Variants in OPN3 observed in about 807,000 individuals in gnomAD.
OPN3 encodes opsin 3.
Under a neutral mutation model 33.8 loss-of-function variants are expected in OPN3, and 29 were observed. The ratio of observed to expected loss-of-function variants is 0.86; its 90% CI spans 0.64 to 1.17. The LOEUF (loss-of-function observed/expected upper bound fraction) is 1.17. Ranked by LOEUF, OPN3 falls within the 50% of genes most tolerant of loss-of-function variation. The pLI is 0.00. For missense variants in OPN3, 437 were observed against 514.1 expected, an observed-to-expected ratio of 0.85 and a Z score of 1.45; for synonymous variants, 216 against 216.1, an observed-to-expected ratio of 1.00 and a Z score of 0.00.
intron 2 of OPN3, chr1:241,600,637 TTA>T (rs1363203629): frequency 1.3e-5 from 2 of 152,214 alleles, no homozygotes; most frequent in African/African-American, 4.8e-5. Context: ...TCCATCGTTG[TTA>T]TGAGTCACCT....
intron 1 of OPN3, among the ~76,000 whole-genome samples, chr1:241,617,046 A>G (rs572484307): frequency 1.9e-4 from 29 of 152,300 alleles, no homozygotes; most frequent in Non-Finnish European, 3.8e-4. Context: ...TTCATATGAT[A>G]TTTTATAATT....
At chr1:241,607,495 T>C (rs1436614461) in intron 1 of OPN3, among the ~76,000 whole-genome samples, 2 of 148,820 alleles carry the variant, frequency 1.3e-5, no homozygotes, top group Non-Finnish European at 3.0e-5. Flanking sequence ...GCCTGGGCGA[T>C]GGAGCAAGAC....
At chr1:241,606,364 C>T (rs1395505170) in intron 1 of OPN3, among the ~76,000 whole-genome samples, 1 of 151,706 alleles carries the variant, frequency 6.6e-6, no homozygotes, top group Non-Finnish European at 1.5e-5. Flanking sequence ...GCCAACATGG[C>T]GAAACCCTGT....
chr1:241,606,766 A>C (rs1350627267), intron 1 of OPN3, among the ~76,000 whole-genome samples: 1 of 152,106 alleles, frequency 6.6e-6, no homozygotes, highest in Non-Finnish European at 1.5e-5. Context: ...AAAGAAAAGC[A>C]GTTCAAATGA....
At chr1:241,618,242 T>C (rs975123241) in intron 1 of OPN3, among the ~76,000 whole-genome samples, 2 of 152,218 alleles carry the variant, frequency 1.3e-5, no homozygotes, top group African/African-American at 4.8e-5. Flanking sequence ...CATGTCTCTT[T>C]CCTTTAATAA....
chr1:241,630,746 T>TATTAAATCATTGCCAGAGAAATA (rs1237601534), intron 1 of OPN3: 29 of 152,222 alleles, frequency 1.9e-4, no homozygotes, highest in Admixed American at 1.6e-3. Flanking sequence ...CCGAGAAGTC[T>TATTAAATCATTGCCAGAGAAATA]ATTAAATCAT....
At chr1:241,626,716 T>A (rs114488658) in intron 1 of OPN3, among the ~76,000 whole-genome samples, 2,186 of 152,282 alleles carry the variant, frequency 0.014, 27 homozygotes, top group Non-Finnish European at 0.022. Flanking sequence ...AATTAACTTA[T>A]AGTAATGATA....
chr1:241,615,018 G>C (rs1664089013), intron 1 of OPN3, among the ~76,000 whole-genome samples: 1 of 152,148 alleles, frequency 6.6e-6, no homozygotes, highest in Non-Finnish European at 1.5e-5. Flanking sequence ...CGTCAGGAAA[G>C]GATATTGAAC....
chr1:241,609,337 A>G (rs1024382648), intron 1 of OPN3, among the ~76,000 whole-genome samples: 1 of 152,168 alleles, frequency 6.6e-6, no homozygotes, highest in Non-Finnish European at 1.5e-5. Context: ...CTCCACCAAC[A>G]GGTGGTGGAG....
intron 1 of OPN3, among the ~76,000 whole-genome samples, chr1:241,622,417 G>A (rs1664289996): frequency 6.6e-6 from 1 of 152,132 alleles, no homozygotes. Context: ...CTCACCAGAA[G>A]AGAAATTAAA....
At chr1:241,636,288 T>C (rs1445551158) in intron 1 of OPN3, among the ~76,000 whole-genome samples, 2 of 152,152 alleles carry the variant, frequency 1.3e-5, no homozygotes, top group African/African-American at 4.8e-5. Context: ...AACATAGTAA[T>C]AGAGAATGAA....
At position 241,594,383 on chromosome 1, in the gene OPN3, T is replaced by A. The variant is rs758675307; in HGVS notation, c.*45A>T. ...ACTTCTTATGATGAAAGTCCAAAAG[T>A]GGCATCCAATTTAAGGCCCCATCTT... On this transcript the variant is annotated 3_prime_UTR_variant, in exon 4 of 4. Coordinates refer to ENST00000366554, the MANE Select transcript of OPN3 (RefSeq NM_014322.3). The A allele has an allele frequency of 6.3e-7, 1 of 1,582,488 alleles. No individual in the cohort carries two copies. The highest frequency in any genetic ancestry group is 1.3e-5 in the African/African-American group (1 of 74,412).
chr1:241,615,735 C>G, intron 1 of OPN3: 21 of 416,468 alleles, frequency 5.0e-5, no homozygotes, highest in South Asian at 3.4e-4. Context: ...CTCCGTGACT[C>G]CACTCACAAG....
At chr1:241,623,112 C>CA (rs899253755) in intron 1 of OPN3, among the ~76,000 whole-genome samples, 20 of 151,162 alleles carry the variant, frequency 1.3e-4, no homozygotes, top group South Asian at 6.3e-4. Context: ...AAAAAACAAA[C>CA]AAAAAAAACT....
intron 1 of OPN3, among the ~76,000 whole-genome samples, chr1:241,610,882 G>A (rs944133778): frequency 6.6e-6 from 1 of 151,994 alleles, no homozygotes; most frequent in African/African-American, 2.4e-5. Context: ...ATCTCAATTT[G>A]CTCACCAGTA....
intron 1 of OPN3, among the ~76,000 whole-genome samples, chr1:241,614,706 G>A (rs1229457609): frequency 6.6e-6 from 1 of 152,258 alleles, no homozygotes; most frequent in Non-Finnish European, 1.5e-5. Flanking sequence ...CATTTGGACA[G>A]ATATCCTAGC....
At chr1:241,610,907 G>A (rs949196530) in intron 1 of OPN3, among the ~76,000 whole-genome samples, 2 of 152,076 alleles carry the variant, frequency 1.3e-5, no homozygotes, top group Non-Finnish European at 1.5e-5. Context: ...TGAGATAATA[G>A]TACCAAAATG....
At chr1:241,634,357 T>TA in intron 1 of OPN3, 1 of 1,614,036 alleles carries the variant, frequency 6.2e-7, no homozygotes, top group Non-Finnish European at 8.5e-7. Flanking sequence ...TCTGCTGATC[T>TA]AAATCTGTCT....
At chr1:241,635,506 G>A (rs1664860068) in intron 1 of OPN3, 3 of 1,613,898 alleles carry the variant, frequency 1.9e-6, no homozygotes, top group Non-Finnish European at 2.5e-6. Flanking sequence ...TGCGAAGAGT[G>A]ATGGCTTCTT....
Sources: gnomAD v4.1 joint callset for allele counts (sites outside exome capture counted in the v4.1 genomes callset) on GRCh38, gnomAD v4.1.1 for gene constraint, MANE v1.5 for transcripts, NCBI Gene and HGNC (gene_info 2026-07-23, HGNC 2026-07-21) for gene names.